MSH3: variants seen among roughly 807,000 people sequenced by gnomAD.
MSH3 encodes the protein mutS homolog 3, also known as DNA mismatch repair protein Msh3.
In MSH3, 106 loss-of-function variants were observed where a neutral mutation model predicts 123.3. The ratio of observed to expected loss-of-function variants is 0.86; its 90% CI spans 0.73 to 1.01. The LOEUF is 1.01. Ranked by LOEUF, MSH3 falls within the 50% of genes least tolerant of loss-of-function variation. MSH3 has a pLI of 0.00. For synonymous variants in MSH3, 515 were observed against 481.4 expected (o/e 1.07, Z -0.91); for missense variants, 1,459 against 1,347.6 (o/e 1.08, Z -1.29).
intron 8 of MSH3, among the ~76,000 whole-genome samples, chr5:80,694,804 T>C (rs937827696): frequency 8.3e-4 from 127 of 152,122 alleles, no homozygotes; most frequent in African/African-American, 3.0e-3. Flanking sequence ...CACTTCCTTC[T>C]AACCTTTATG....
intron 18 of MSH3, among the ~76,000 whole-genome samples, chr5:80,791,694 T>C (rs560722999): frequency 6.6e-6 from 1 of 152,346 alleles, no homozygotes; most frequent in African/African-American, 2.4e-5. Flanking sequence ...TAGTAAATGG[T>C]GAAATCTATT....
At chr5:80,702,089 T>C (rs1750622571) in intron 8 of MSH3, among the ~76,000 whole-genome samples, 1 of 152,192 alleles carries the variant, frequency 6.6e-6, no homozygotes, top group South Asian at 2.1e-4. Flanking sequence ...ATAAAATTTA[T>C]TAATATAAAT....
chr5:80,854,368 T>G, intron 21 of MSH3, 52 bp downstream of exon 21: 1 of 1,507,786 alleles, frequency 6.6e-7, no homozygotes, highest in Non-Finnish European at 9.2e-7. Flanking sequence ...TAAATTATTA[T>G]TTTTAAATGA....
At chr5:80,726,627 C>G (rs1287536529) in intron 9 of MSH3, among the ~76,000 whole-genome samples, 5 of 152,124 alleles carry the variant, frequency 3.3e-5, no homozygotes. Flanking sequence ...CCACCACACC[C>G]AGCTAATTTT....
At chr5:80,756,794 C>T (rs1743934570) in intron 12 of MSH3, among the ~76,000 whole-genome samples, 1 of 152,116 alleles carries the variant, frequency 6.6e-6, no homozygotes, top group Non-Finnish European at 1.5e-5. Context: ...TGTAAGCACT[C>T]AGTAATTGTT....
intron 20 of MSH3, among the ~76,000 whole-genome samples, chr5:80,852,499 G>GT (rs1745847176): frequency 6.6e-6 from 1 of 152,222 alleles, no homozygotes; most frequent in Non-Finnish European, 1.5e-5. Context: ...GGTAGACAGG[G>GT]TGAACCATTG....
intron 20 of MSH3, among the ~76,000 whole-genome samples, chr5:80,842,098 G>C (rs1169160371): frequency 2.6e-5 from 4 of 152,144 alleles, no homozygotes; most frequent in Non-Finnish European, 4.4e-5. Context: ...TGTAAGGAAG[G>C]GATCCAGTTT....
chr5:80,819,362 A>G (rs890191892), intron 20 of MSH3, among the ~76,000 whole-genome samples: 2 of 98,910 alleles, frequency 2.0e-5, no homozygotes, highest in Admixed American at 1.1e-4. Flanking sequence ...ATGTATATAT[A>G]TGTGTGTATA....
intron 22 of MSH3, among the ~76,000 whole-genome samples, chr5:80,872,051 G>C (rs1295129230): frequency 6.6e-6 from 1 of 152,150 alleles, no homozygotes; most frequent in African/African-American, 2.4e-5. Flanking sequence ...AGTGGGATCT[G>C]GGTGGTACTG....
intron 8 of MSH3, among the ~76,000 whole-genome samples, chr5:80,709,914 G>A (rs1253598885): frequency 6.6e-6 from 1 of 152,196 alleles, no homozygotes. Context: ...TTCCCCTGGA[G>A]TGAAAAAGGT....
intron 19 of MSH3, among the ~76,000 whole-genome samples, chr5:80,811,939 T>C (rs1387803868): frequency 6.6e-6 from 1 of 152,194 alleles, no homozygotes; most frequent in Non-Finnish European, 1.5e-5. Flanking sequence ...GACACGCTTA[T>C]TTTTTACTCT....
At chr5:80,868,121 C>T (rs1432995605) in intron 22 of MSH3, among the ~76,000 whole-genome samples, 1 of 152,132 alleles carries the variant, frequency 6.6e-6, no homozygotes, top group Non-Finnish European at 1.5e-5. Context: ...CAAAAAATAA[C>T]AGGTGCTGGT....
At chr5:80,686,452 A>G (rs1441111894) in intron 8 of MSH3, among the ~76,000 whole-genome samples, 1 of 151,728 alleles carries the variant, frequency 6.6e-6, no homozygotes, top group African/African-American at 2.4e-5. Flanking sequence ...ACAGGCGTGC[A>G]CCACCACGCC....
chr5:80,661,800 A>C (rs551123835), intron 2 of MSH3, among the ~76,000 whole-genome samples: 1 of 151,890 alleles, frequency 6.6e-6, no homozygotes, highest in South Asian at 2.1e-4. Context: ...AGAGTGTTGG[A>C]CTCTGTTCTG....
intron 16 of MSH3, among the ~76,000 whole-genome samples, chr5:80,776,504 T>C (rs1261496570): frequency 6.6e-6 from 1 of 152,146 alleles, no homozygotes; most frequent in African/African-American, 2.4e-5. Context: ...CACATAATTA[T>C]TATAATTCTT....
intron 9 of MSH3, among the ~76,000 whole-genome samples, chr5:80,725,892 GA>G (rs1743295643): frequency 6.6e-6 from 1 of 152,182 alleles, no homozygotes. Context: ...TTGAAATTAT[GA>G]CCAGCTAGTA....
At chr5:80,709,331 T>G (rs1750793808) in intron 8 of MSH3, among the ~76,000 whole-genome samples, 1 of 151,888 alleles carries the variant, frequency 6.6e-6, no homozygotes, top group African/African-American at 2.4e-5. Flanking sequence ...CAATTCTAAG[T>G]TTTTAGGGCC....
chr5:80,822,971 T>C (rs1297218999), intron 20 of MSH3, among the ~76,000 whole-genome samples: 1 of 152,234 alleles, frequency 6.6e-6, no homozygotes, highest in East Asian at 1.9e-4. Flanking sequence ...TCTCAATTTA[T>C]TCCATCAAAC....
At chr5:80,741,357 A>G in intron 10 of MSH3, 107 bp from the exon 11 acceptor site, 1 of 756,502 alleles carries the variant, frequency 1.3e-6, no homozygotes, top group Non-Finnish European at 2.3e-6. Flanking sequence ...TTCTATCAGA[A>G]TGCTAATTTT....
Sources: allele counts gnomAD v4.1 joint callset (sites outside exome capture counted in the v4.1 genomes callset), GRCh38; gene constraint gnomAD v4.1.1; transcripts MANE v1.5; gene names NCBI Gene and HGNC (gene_info 2026-07-23, HGNC 2026-07-21).